MGA: variants seen among roughly 807,000 people sequenced by gnomAD.
MGA encodes the protein MAX gene-associated protein.
In MGA, 40 loss-of-function variants were observed where a neutral mutation model predicts 261.1. The ratio of observed to expected loss-of-function variants is 0.15; its 90% CI spans 0.12 to 0.20. The LOEUF is 0.20. Among genes scored for constraint, MGA ranks in the 10% least tolerant of loss-of-function variants. The pLI is 1.00. For missense variants in MGA, 3,397 were observed against 3,630.5 expected, an observed-to-expected ratio of 0.94 and a Z score of 1.65; for synonymous variants, 1,302 against 1,290.6, an observed-to-expected ratio of 1.01 and a Z score of -0.19.
chr15:41,766,738 G>A lies in MGA; in HGVS notation c.8656G>A (p.Glu2886Lys). Residue 2886 changes from glutamate to lysine, a missense_variant, in exon 24 of 24, where the codon GAG becomes AAG. Glu to Lys is a moderately conservative substitution (Grantham distance 56). Coordinates refer to ENST00000219905, the MANE Select transcript of MGA (RefSeq NM_001164273.2). ...TGAGCACTTGGGAACTGGTTTGAAAGAGTTGCCTGATGTTCAAGGGGAGAG... is the reference window on the plus strand; with the variant it reads ...TGAGCACTTGGGAACTGGTTTGAAAAAGTTGCCTGATGTTCAAGGGGAGAG... 1 of 1,614,010 alleles carries A rather than the reference G, an allele frequency of 6.2e-7. No individual in the cohort carries two copies. The highest frequency in any genetic ancestry group is 8.5e-7 in the Non-Finnish European group (1 of 1,179,894).
At position 41,711,189 on chromosome 15, in the gene MGA, A is replaced by G. The variant is rs763056051; in HGVS notation, c.2924A>G (p.Gln975Arg). The G allele has an allele frequency of 1.9e-6, 3 of 1,613,846 alleles. No homozygotes were observed. In the Admixed American group the frequency reaches 5.0e-5, roughly 27 times the overall value. ...CAGATTAGTTTGCGGCAGGCACAGC[A>G]GCAGCAGCAACAGCAACAGGGAAGT... The change falls in exon 8 of 24, where the codon CAG (glutamine) becomes CGG (arginine). Residue 975 changes from glutamine (Q) to arginine (R), a missense_variant. Coordinates refer to ENST00000219905, the MANE Select transcript of MGA (RefSeq NM_001164273.2).
intron 2 of MGA, among the ~76,000 whole-genome samples, chr15:41,677,417 GGAGTGA>G (rs1252558611): frequency 6.6e-6 from 1 of 152,244 alleles, no homozygotes; most frequent in African/African-American, 2.4e-5. Context: ...CTGGATTACA[GGAGTGA>G]GCCACTGCAC....
intron 2 of MGA, among the ~76,000 whole-genome samples, chr15:41,681,679 T>C (rs1361872379): frequency 6.6e-6 from 1 of 151,998 alleles, no homozygotes; most frequent in African/African-American, 2.4e-5. Context: ...TGAACTCCTG[T>C]GCTGAAGTGA....
chr15:41,766,629 C>T lies in MGA; in HGVS notation c.8547C>T (p.Ser2849=), dbSNP rs561398403. The T allele has an allele frequency of 1.2e-5, 20 of 1,614,002 alleles. No homozygotes were observed. The East Asian group carries it at 4.0e-4, about 32-fold the overall frequency. ...CTGTTGGCCTGGCTGAACTACCCAG[C>T]TCTATGGATACAGAGTTCCCAGGGG... The change falls in exon 24 of 24, where the codon AGC becomes AGT. Residue 2849 remains serine, a synonymous_variant. Coordinates refer to ENST00000219905, the MANE Select transcript of MGA (RefSeq NM_001164273.2).
chr15:41,728,253 C>T (rs2061347394), intron 10 of MGA, among the ~76,000 whole-genome samples: 1 of 152,130 alleles, frequency 6.6e-6, no homozygotes, highest in African/African-American at 2.4e-5. Flanking sequence ...ATCACTTGAA[C>T]CTGGGAGGCG....
At chr15:41,667,547 G>A (rs996970819) in intron 1 of MGA, among the ~76,000 whole-genome samples, 3 of 151,864 alleles carry the variant, frequency 2.0e-5, no homozygotes, top group African/African-American at 4.8e-5. Context: ...CTCCCCCGCC[G>A]CTATTATTTT....
chr15:41,699,047 A>G lies in MGA; in HGVS notation c.2093-17A>G, dbSNP rs761624311. 1.5e-5 allele frequency: 24 copies of G among 1,598,962 alleles called. No individual in the cohort carries two copies. The highest frequency in any genetic ancestry group is 2.1e-5 in the Non-Finnish European group (24 of 1,170,394). On this transcript the variant is annotated splice_polypyrimidine_tract_variant and intron_variant, in intron 4 of 23. Coordinates refer to ENST00000219905, the MANE Select transcript of MGA (RefSeq NM_001164273.2). ...GTGTACAGTAGCTTATTTTATTACT[A>G]TTTATTTTGGGTGTAGGTTACAGAG...
At chr15:41,700,737 T>C (rs1036245270) in intron 5 of MGA, among the ~76,000 whole-genome samples, 1 of 152,170 alleles carries the variant, frequency 6.6e-6, no homozygotes, top group Non-Finnish European at 1.5e-5. Flanking sequence ...TAATGAAAAA[T>C]TTTAGGCTGT....
chr15:41,707,991 T>C (rs899369767), intron 6 of MGA, 113 bp from the exon 7 acceptor site: 28 of 1,368,278 alleles, frequency 2.0e-5, no homozygotes, highest in Non-Finnish European at 2.1e-5. Context: ...TCTGTTGTTA[T>C]AGTTTTGATA....
intron 7 of MGA, among the ~76,000 whole-genome samples, chr15:41,709,435 C>T (rs1039823837): frequency 6.6e-6 from 1 of 152,128 alleles, no homozygotes; most frequent in East Asian, 1.9e-4. Context: ...ACACTCCAGG[C>T]ATTCCAGTCT....
intron 9 of MGA, chr15:41,718,590 G>C (rs2060779601): frequency 5.7e-6 from 2 of 352,330 alleles, no homozygotes; most frequent in African/African-American, 4.3e-5. Flanking sequence ...CTCGAAGTGA[G>C]CATCAATAAG....
In MGA at chr15:41,710,903, C is replaced by G; in HGVS notation, c.2638C>G (p.Pro880Ala). 1 of 1,613,880 alleles carries G rather than the reference C, an allele frequency of 6.2e-7. No individual in the cohort carries two copies. The highest frequency in any genetic ancestry group is 8.5e-7 in the Non-Finnish European group (1 of 1,179,830). ...ACTAAAGAAGCAATCTACTATTTCC[C>G]CTTCTACCTCTTATTCTTTGAAACC... Residue 880 changes from proline to alanine, a missense_variant, in exon 8 of 24, where the codon CCT becomes GCT. Physicochemically the swap from Pro to Ala is conservative, Grantham distance 27. This residue lies in a region of MGA where 519 missense variants were observed against 554.1 expected (regional missense o/e 0.94). Coordinates refer to ENST00000219905, the MANE Select transcript of MGA (RefSeq NM_001164273.2).
intron 2 of MGA, among the ~76,000 whole-genome samples, chr15:41,671,044 T>C (rs946542325): frequency 4.6e-5 from 7 of 152,192 alleles, no homozygotes; most frequent in Admixed American, 1.3e-4. Context: ...TCCACAGTTA[T>C]AGCTGGCCAA....
intron 11 of MGA, among the ~76,000 whole-genome samples, chr15:41,731,134 A>G (rs2061487492): frequency 6.6e-6 from 1 of 152,180 alleles, no homozygotes. Flanking sequence ...TTAAAACAGA[A>G]TAAGGATGAC....
At chr15:41,732,605 T>C (rs1004343753) in intron 11 of MGA, among the ~76,000 whole-genome samples, 6 of 152,118 alleles carry the variant, frequency 3.9e-5, no homozygotes, top group African/African-American at 1.4e-4. Context: ...AGGTGGGAGG[T>C]ATTTTAGTCC....
rs567261231 is a variant in MGA at position 41,638,392 on chromosome 15, A to G, written c.-68+17094A>G. ...CTAGAATTTTTTTTTTTTTGAGACAATCTTGCTCTGTCACCCAGGCTGGAG... is the reference window on the plus strand; with the variant it reads ...CTAGAATTTTTTTTTTTTTGAGACAGTCTTGCTCTGTCACCCAGGCTGGAG... On this transcript the variant is annotated intron_variant, in intron 1 of 8. Transcript: ENST00000566718. Among the ~76,000 whole-genome samples, 26 of 135,148 alleles carry G rather than the reference A, an allele frequency of 1.9e-4. No individual in the cohort carries two copies. The South Asian group carries it at 3.3e-3, about 17-fold the overall frequency. 88.7% of individuals were successfully genotyped at this position (135,148 alleles called of 152,430 possible). A position where few individuals can be genotyped will look rare whatever the true frequency, so the allele number is the denominator to read the frequency against.
chr15:41,664,549 T>C (rs2057616412), intron 1 of MGA, among the ~76,000 whole-genome samples: 1 of 152,218 alleles, frequency 6.6e-6, no homozygotes, highest in South Asian at 2.1e-4. Context: ...CTAGATTTTT[T>C]TTCATATACT....
intron 3 of MGA, 77 bp downstream of exon 3, chr15:41,697,100 A>G: frequency 2.5e-6 from 3 of 1,197,572 alleles, no homozygotes; most frequent in Non-Finnish European, 3.4e-6. Flanking sequence ...AAGTAACTCG[A>G]TTTACAATCT....
At position 41,735,732 on chromosome 15, in the gene MGA, C is replaced by CA. The variant is rs879872384; in HGVS notation, c.3917-434dup. Among the ~76,000 whole-genome samples the CA allele has an allele frequency of 7.0e-3, 893 of 127,612 alleles. 5 individuals are homozygous for CA. Among genetic ancestry groups the CA allele is most frequent in the African/African-American group, 0.015 (546 of 35,566 alleles). 83.7% of individuals were successfully genotyped at this position (127,612 alleles called of 152,430 possible). On this transcript the variant is annotated intron_variant, in intron 12 of 23. Transcript: ENST00000219905. Reference sequence around the variant, plus strand: ...CTGGCGACAGAGCTAGACTCCGTCTCAAAAAAAAAAAAAAATCAGAATACT... The same window carrying CA: ...CTGGCGACAGAGCTAGACTCCGTCTCAAAAAAAAAAAAAAAATCAGAATACT...
Sources: gnomAD v4.1 joint callset for allele counts (sites outside exome capture counted in the v4.1 genomes callset) on GRCh38, gnomAD v4.1.1 for gene constraint, gnomAD v4.1.1 regional missense constraint, MANE v1.5 for transcripts, NCBI Gene and HGNC (gene_info 2026-07-23, HGNC 2026-07-21) for gene names.